PTPN2: variants seen among roughly 807,000 people sequenced by gnomAD.
The protein encoded by PTPN2 is tyrosine-protein phosphatase non-receptor type 2.
A neutral mutation model predicts 57.3 loss-of-function variants in PTPN2; 19 were observed. That is an observed-to-expected ratio of 0.33 (90% CI 0.23 to 0.49). The LOEUF (loss-of-function observed/expected upper bound fraction) is 0.49. Among genes scored for constraint, PTPN2 ranks in the 20% least tolerant of loss-of-function variants. The pLI, the probability that PTPN2 is intolerant of heterozygous loss-of-function variation, is 0.99. For missense variants in PTPN2, 358 were observed against 501.1 expected, an observed-to-expected ratio of 0.71 and a Z score of 2.73; for synonymous variants, 153 against 164.9, an observed-to-expected ratio of 0.93 and a Z score of 0.55.
intron 4 of PTPN2, among the ~76,000 whole-genome samples, chr18:12,828,472 A>AGAT (rs1459423599): frequency 2.0e-5 from 3 of 152,234 alleles, no homozygotes. Flanking sequence ...TTTTGGTAGC[A>AGAT]GATGATATCA....
chr18:12,873,397 C>A (rs2044340863), intron 1 of PTPN2, among the ~76,000 whole-genome samples: 1 of 152,244 alleles, frequency 6.6e-6, no homozygotes, highest in African/African-American at 2.4e-5. Context: ...GCCTGATTCT[C>A]CTGCCTCAGC....
intron 2 of PTPN2, 87 bp from the exon 3 acceptor site, chr18:12,836,978 G>T: frequency 1.3e-6 from 1 of 799,862 alleles, no homozygotes; most frequent in Non-Finnish European, 2.0e-6. Flanking sequence ...TTTATAAAAA[G>T]ACAGAAGAAA....
intron 8 of PTPN2, among the ~76,000 whole-genome samples, chr18:12,801,577 A>G (rs2041426701): frequency 6.6e-6 from 1 of 152,050 alleles, no homozygotes; most frequent in Non-Finnish European, 1.5e-5. Flanking sequence ...ATTTATTATT[A>G]TTATTTATGA....
downstream of PTPN2, chr18:12,787,409 A>G (rs879584415): frequency 6.6e-6 from 1 of 152,198 alleles, no homozygotes; most frequent in Non-Finnish European, 1.5e-5. Context: ...ATCTGAATAT[A>G]GGGAGAATGC....
intron 7 of PTPN2, among the ~76,000 whole-genome samples, chr18:12,807,582 A>ATATATATATATAT (rs764663687): frequency 2.0e-4 from 12 of 61,494 alleles, no homozygotes; most frequent in African/African-American, 4.4e-4. Context: ...AAAAAAAAAA[A>ATATATATATATAT]AAAAATATAT....
At chr18:12,846,443 T>G (rs780250111) in intron 2 of PTPN2, among the ~76,000 whole-genome samples, 4 of 152,228 alleles carry the variant, frequency 2.6e-5, no homozygotes, top group Non-Finnish European at 5.9e-5. Context: ...TATAGACACA[T>G]TAATTCCTAT....
chr18:12,874,530 A>AG lies in PTPN2; in HGVS notation c.69+9542dup, dbSNP rs1248085868. ...CGGCCAGCCGCCCCGTCCGGGAGGA[A>AG]GGTGGGGGGGGGTCAGCTCCCCGCC... On this transcript the variant is annotated intron_variant, in intron 1 of 8. Coordinates refer to ENST00000309660, the MANE Select transcript of PTPN2 (RefSeq NM_002828.4). 8.4e-5 allele frequency among the ~76,000 whole-genome samples: 5 copies of AG among 59,832 alleles called. No homozygotes were observed. The East Asian group carries it at 2.7e-3, about 32-fold the overall frequency. 39.3% of individuals were successfully genotyped at this position (59,832 alleles called of 152,430 possible).
downstream of PTPN2, among the ~76,000 whole-genome samples, chr18:12,789,306 C>T (rs764838637): frequency 2.0e-5 from 3 of 152,146 alleles, no homozygotes; most frequent in East Asian, 1.9e-4. Context: ...GGAATTGAAA[C>T]GAAACAAATG....
At chr18:12,872,548 A>G (rs1325849738) in intron 1 of PTPN2, among the ~76,000 whole-genome samples, 1 of 152,200 alleles carries the variant, frequency 6.6e-6, no homozygotes, top group Non-Finnish European at 1.5e-5. Context: ...TTTTGAGACA[A>G]ACAGTGCTGG....
intron 5 of PTPN2, among the ~76,000 whole-genome samples, chr18:12,825,591 A>G (rs1017040867): frequency 6.6e-6 from 1 of 152,032 alleles, no homozygotes; most frequent in African/African-American, 2.4e-5. Context: ...TAATCCCCAA[A>G]TATCAAACTG....
At chr18:12,874,313 C>T (rs2044393589) in intron 1 of PTPN2, among the ~76,000 whole-genome samples, 2 of 130,800 alleles carry the variant, frequency 1.5e-5, no homozygotes, top group South Asian at 5.0e-4. Context: ...GGGGGTCAGC[C>T]CCCCGCTTGG....
chr18:12,823,111 C>CCTTCTAAAGAATAAAGAATCCCTAGTT, intron 5 of PTPN2, among the ~76,000 whole-genome samples: 2 of 152,264 alleles, frequency 1.3e-5, no homozygotes, highest in South Asian at 4.2e-4. Flanking sequence ...GCTACTTTAT[C>CCTTCTAAAGAATAAAGAATCCCTAGTT]CTTCTAAAGA....
At chr18:12,816,579 A>G (rs943061587) in intron 6 of PTPN2, among the ~76,000 whole-genome samples, 1 of 152,180 alleles carries the variant, frequency 6.6e-6, no homozygotes, top group African/African-American at 2.4e-5. Flanking sequence ...AAAAGAGAAG[A>G]AAAGATCTAG....
chr18:12,805,545 G>A (rs753020176), intron 7 of PTPN2, among the ~76,000 whole-genome samples: 12 of 151,600 alleles, frequency 7.9e-5, no homozygotes, highest in East Asian at 1.9e-4. Context: ...ACAAAGCCAC[G>A]TTATGACAAA....
At position 12,793,831 on chromosome 18, in the gene PTPN2, A is replaced by C. The variant is rs1844767024; in HGVS notation, c.*447T>G. The C allele has an allele frequency of 1.0e-6, 1 of 966,854 alleles. No individual in the cohort carries two copies. Among genetic ancestry groups the C allele is most frequent in the Admixed American group, 5.4e-5 (1 of 18,460 alleles). The allele number at this position is 966,854 out of a possible 1,614,324, so 59.9% of individuals were successfully genotyped here. ...GAATAAAAGTGTTGATGCCCATGTC[A>C]ATAGTACATTATACATTACACACAT... On this transcript the variant is annotated 3_prime_UTR_variant, in exon 9 of 9. Transcript: ENST00000309660.
At chr18:12,880,691 G>GC (rs1425478649) in intron 1 of PTPN2, 1 of 151,982 alleles carries the variant, frequency 6.6e-6, no homozygotes, top group Non-Finnish European at 1.5e-5. Context: ...AGTCTTTTTT[G>GC]CAAGTTCCTC....
chr18:12,874,057 G>A (rs1290696487), intron 1 of PTPN2, among the ~76,000 whole-genome samples: 1 of 150,398 alleles, frequency 6.6e-6, no homozygotes, highest in African/African-American at 2.5e-5. Flanking sequence ...CCCGGCAGCC[G>A]CCCCGTCTGA....
At chr18:12,851,943 C>T (rs943278770) in intron 2 of PTPN2, among the ~76,000 whole-genome samples, 5 of 151,912 alleles carry the variant, frequency 3.3e-5, no homozygotes, top group East Asian at 3.8e-4. Context: ...ATAAACCAGT[C>T]GCAGAAAGAC....
intron 1 of PTPN2, 45 bp downstream of exon 1, chr18:12,884,028 G>T: frequency 6.6e-7 from 1 of 1,514,030 alleles, no homozygotes. Context: ...CACGAGTCCG[G>T]GTCTCGGAGG....
Sources: gnomAD v4.1 joint callset for allele counts (sites outside exome capture counted in the v4.1 genomes callset) on GRCh38, gnomAD v4.1.1 for gene constraint, MANE v1.5 for transcripts, NCBI Gene and HGNC (gene_info 2026-07-23, HGNC 2026-07-21) for gene names.